Variants in RBM47 observed in about 807,000 individuals in gnomAD.
The protein encoded by RBM47 is RNA binding motif protein 47.
RBM47 carries 21 observed loss-of-function variants against 47.1 expected under a neutral mutation model. The observed-to-expected ratio is 0.45, with a 90% CI of 0.32 to 0.64. The LOEUF is 0.64. RBM47 is among the 30% of genes least tolerant of loss of function. The pLI is 0.05. For missense variants in RBM47, 708 were observed against 870.9 expected, an observed-to-expected ratio of 0.81 and a Z score of 2.35; for synonymous variants, 375 against 361.7, an observed-to-expected ratio of 1.04 and a Z score of -0.42.
At chr4:40,599,876 C>T (rs923323634) in intron 1 of RBM47, among the ~76,000 whole-genome samples, 6 of 152,192 alleles carry the variant, frequency 3.9e-5, no homozygotes, top group African/African-American at 1.2e-4. Flanking sequence ...AGTAGGCACT[C>T]AGTGAATATA....
intron 2 of RBM47, among the ~76,000 whole-genome samples, chr4:40,473,648 T>C (rs1299776824): frequency 1.3e-5 from 2 of 152,220 alleles, no homozygotes; most frequent in East Asian, 3.8e-4. Context: ...GGCATAAATA[T>C]CATGGGCTCA....
At chr4:40,616,874 C>CTTTTTTTTTTTTTTTTTTTT (rs1300005872) in intron 1 of RBM47, among the ~76,000 whole-genome samples, 6 of 111,662 alleles carry the variant, frequency 5.4e-5, no homozygotes, top group African/African-American at 7.4e-5. Flanking sequence ...ATTTTCTTTT[C>CTTTTTTTTTTTTTTTTTTTT]TTTTTTTTTT....
chr4:40,596,606 T>C (rs1396922449), intron 1 of RBM47, among the ~76,000 whole-genome samples: 1 of 152,168 alleles, frequency 6.6e-6, no homozygotes, highest in Non-Finnish European at 1.5e-5. Flanking sequence ...AATAACATTG[T>C]ATTTATGGAC....
intron 6 of RBM47, among the ~76,000 whole-genome samples, chr4:40,431,612 G>A (rs923437354): frequency 4.6e-5 from 7 of 151,076 alleles, no homozygotes; most frequent in Non-Finnish European, 2.9e-5. Context: ...GAGCCGAGAT[G>A]GCGCCACTGC....
intron 2 of RBM47, among the ~76,000 whole-genome samples, chr4:40,468,449 C>T (rs1040552076): frequency 1.1e-4 from 16 of 152,140 alleles, no homozygotes; most frequent in African/African-American, 3.6e-4. Flanking sequence ...AAAACAGTTG[C>T]TGGTTGAAGT....
chr4:40,492,777 G>A (rs1434304337), intron 2 of RBM47, among the ~76,000 whole-genome samples: 1 of 26,990 alleles, frequency 3.7e-5, no homozygotes, highest in Non-Finnish European at 7.9e-5. Context: ...ATCATGACCT[G>A]TGTGTGTGTG....
At chr4:40,620,511 A>G (rs1211427042) in intron 1 of RBM47, among the ~76,000 whole-genome samples, 3 of 152,204 alleles carry the variant, frequency 2.0e-5, no homozygotes, top group African/African-American at 7.2e-5. Context: ...ATCTCAAAAA[A>G]AAACAAAAAG....
intron 1 of RBM47, among the ~76,000 whole-genome samples, chr4:40,579,344 C>T (rs1732649810): frequency 1.4e-5 from 2 of 144,264 alleles, no homozygotes; most frequent in South Asian, 4.5e-4. Flanking sequence ...ACCACTTGAA[C>T]CCGGGAGGTG....
At chr4:40,572,748 T>A (rs886669793) in intron 1 of RBM47, among the ~76,000 whole-genome samples, 2 of 151,804 alleles carry the variant, frequency 1.3e-5, no homozygotes, top group Non-Finnish European at 2.9e-5. Flanking sequence ...ATAAAAATTT[T>A]AAAAAATAAT....
chr4:40,520,643 C>T (rs539344452), intron 2 of RBM47, among the ~76,000 whole-genome samples: 30 of 152,190 alleles, frequency 2.0e-4, no homozygotes, highest in Non-Finnish European at 4.0e-4. Context: ...CCGGAATCTT[C>T]CAAAGGTTTA....
At chr4:40,477,684 T>G (rs1253172130) in intron 2 of RBM47, among the ~76,000 whole-genome samples, 1 of 152,074 alleles carries the variant, frequency 6.6e-6, no homozygotes, top group East Asian at 1.9e-4. Flanking sequence ...ATAAACCATC[T>G]CAGGATGATG....
rs539428838 is a variant in RBM47, at chr4:40,535,160, A to T, written c.-155+9262T>A. On this transcript the variant is annotated intron_variant, in intron 2 of 6. Transcript: ENST00000295971. ...GATAATACAAGTAAAAGACTTCCTT[A>T]TGCCTGGCATATAGTGAACCCTCAG... is the stretch of plus-strand genomic sequence containing the variant. Among the ~76,000 whole-genome samples the T allele has an allele frequency of 1.4e-4, 22 of 152,214 alleles. No homozygotes were observed. In the South Asian group the frequency reaches 4.4e-3, roughly 30 times the overall value.
intron 1 of RBM47, among the ~76,000 whole-genome samples, chr4:40,561,309 G>GCGACCAC (rs1197805057): frequency 2.1e-5 from 3 of 139,750 alleles, no homozygotes; most frequent in African/African-American, 8.1e-5. Context: ...TCGGCTCACT[G>GCGACCAC]CGACCACCGC....
At chr4:40,435,006 C>T (rs907076523) in intron 5 of RBM47, among the ~76,000 whole-genome samples, 4 of 152,054 alleles carry the variant, frequency 2.6e-5, no homozygotes, top group Non-Finnish European at 4.4e-5. Context: ...CAGGGTGCTA[C>T]GTGAGTTTGT....
intron 3 of RBM47, among the ~76,000 whole-genome samples, chr4:40,449,406 A>C (rs1715061521): frequency 6.6e-6 from 1 of 152,198 alleles, no homozygotes; most frequent in African/African-American, 2.4e-5. Context: ...AATGGGTCTT[A>C]ATTGTGTTGA....
chr4:40,599,669 A>C (rs544420729), intron 1 of RBM47, among the ~76,000 whole-genome samples: 175 of 151,842 alleles, frequency 1.2e-3, no homozygotes, highest in Non-Finnish European at 2.0e-3. Flanking sequence ...GTTCCTGCCA[A>C]GGTGTCAGGC....
At chr4:40,488,227 T>A (rs918199709) in intron 2 of RBM47, among the ~76,000 whole-genome samples, 2 of 151,140 alleles carry the variant, frequency 1.3e-5, no homozygotes, top group Non-Finnish European at 2.9e-5. Context: ...GGCACAAGAA[T>A]CACTTGAACC....
chr4:40,558,861 G>A (rs1366499865), intron 1 of RBM47, among the ~76,000 whole-genome samples: 1 of 151,564 alleles, frequency 6.6e-6, no homozygotes, highest in Admixed American at 6.6e-5. Flanking sequence ...GGGCGTGGTG[G>A]CAGGCGCCTG....
chr4:40,490,228 C>G (rs182109145), intron 2 of RBM47, among the ~76,000 whole-genome samples: 2 of 151,976 alleles, frequency 1.3e-5, no homozygotes, highest in East Asian at 3.9e-4. Context: ...CAAGGATTTG[C>G]ACTCTCTCAA....
Sources: allele counts gnomAD v4.1 joint callset (sites outside exome capture counted in the v4.1 genomes callset), GRCh38; gene constraint gnomAD v4.1.1; transcripts MANE v1.5; gene names NCBI Gene and HGNC (gene_info 2026-07-23, HGNC 2026-07-21).